Variants in LMBR1 observed in about 807,000 individuals in gnomAD.
LMBR1 encodes limb development membrane protein 1.
A neutral mutation model predicts 73.9 loss-of-function variants in LMBR1; 52 were observed. The observed-to-expected ratio is 0.70, with a 90% CI of 0.56 to 0.89. LMBR1 has a LOEUF of 0.89. Ranked by LOEUF, LMBR1 falls within the 40% of genes least tolerant of loss-of-function variation. LMBR1 has a pLI of 0.00. For missense variants in LMBR1, 539 were observed against 579.8 expected (o/e 0.93, Z 0.72); for synonymous variants, 215 against 209.4 (o/e 1.03, Z -0.23).
At chr7:156,673,906 T>TAAAAAAAAAAAA (rs3030984), downstream of LMBR1, among the ~76,000 whole-genome samples, 1 of 100,816 alleles carries the variant, frequency 9.9e-6, no homozygotes, top group African/African-American at 4.2e-5. Context: ...TCCACATTAA[T>TAAAAAAAAAAAA]AAAAAAAAAA....
intron 1 of LMBR1, among the ~76,000 whole-genome samples, chr7:156,860,763 C>T (rs533618529): frequency 1.3e-5 from 2 of 152,312 alleles, no homozygotes; most frequent in African/African-American, 2.4e-5. Flanking sequence ...AACAAAGGGG[C>T]TACAGGCCCC....
intron 1 of LMBR1, among the ~76,000 whole-genome samples, chr7:156,865,726 T>C (rs1449679759): frequency 3.3e-5 from 5 of 152,200 alleles, no homozygotes; most frequent in African/African-American, 4.8e-5. Flanking sequence ...AGTATAAAAA[T>C]AGACATAGAG....
At chr7:156,841,549 A>C in intron 1 of LMBR1, among the ~76,000 whole-genome samples, 1 of 152,180 alleles carries the variant, frequency 6.6e-6, no homozygotes. Flanking sequence ...AGCAGTCAGC[A>C]AGGGAGGAGG....
chr7:156,844,553 T>G (rs921779486), intron 1 of LMBR1, among the ~76,000 whole-genome samples: 1 of 138,354 alleles, frequency 7.2e-6, no homozygotes, highest in Non-Finnish European at 1.6e-5. Flanking sequence ...AGGAAATTCC[T>G]AACCAAAAAA....
At chr7:156,674,757 T>C (rs567998648), downstream of LMBR1, among the ~76,000 whole-genome samples, 1 of 152,350 alleles carries the variant, frequency 6.6e-6, no homozygotes, top group South Asian at 2.1e-4. Context: ...TTGGATCTGT[T>C]GGGTCAGATA....
Position 156,725,476 on chromosome 7 carries a change from C to G in LMBR1, c.1117G>C (p.Gly373Arg). The change falls in exon 14 of 17, where the codon GGA (glycine) becomes CGA (arginine). Residue 373 changes from glycine to arginine, a missense_variant. Physicochemically the swap from Gly to Arg is moderately radical, Grantham distance 125. This residue lies in a region of LMBR1 where 454 missense variants were observed against 473.4 expected (regional missense o/e 0.96). Transcript: ENST00000353442. ...VVGFYSLRFF[G>R]NFTPKKDDTT... The stretch of plus-strand genomic sequence containing the variant: ...TCATCTTTCTTGGGAGTAAAGTTTC[C>G]AAAAAATCGAAGGCTATAGAAGCCG... 8.1e-6 allele frequency: 13 copies of G among 1,609,786 alleles called. No individual in the cohort carries two copies. Among genetic ancestry groups the G allele is most frequent in the Non-Finnish European group, 1.1e-5 (13 of 1,177,650 alleles).
At chr7:156,839,590 G>C (rs1838282092) in intron 1 of LMBR1, among the ~76,000 whole-genome samples, 1 of 152,168 alleles carries the variant, frequency 6.6e-6, no homozygotes, top group African/African-American at 2.4e-5. Flanking sequence ...GTGTATTTCT[G>C]AAGAAGTACT....
chr7:156,777,142 A>C (rs1450620047), intron 5 of LMBR1, among the ~76,000 whole-genome samples: 1 of 152,050 alleles, frequency 6.6e-6, no homozygotes, highest in African/African-American at 2.4e-5. Context: ...TCACGGTGTT[A>C]ACCAGGATGG....
chr7:156,784,108 G>A (rs1189908609), intron 5 of LMBR1, among the ~76,000 whole-genome samples: 1 of 151,246 alleles, frequency 6.6e-6, no homozygotes, highest in Non-Finnish European at 1.5e-5. Context: ...TGGCAATACT[G>A]AGGACTAGAT....
intron 4 of LMBR1, among the ~76,000 whole-genome samples, chr7:156,803,542 G>A (rs372830500): frequency 1.3e-5 from 2 of 152,094 alleles, no homozygotes; most frequent in Non-Finnish European, 2.9e-5. Flanking sequence ...GAACACTTTT[G>A]CACTGTTGGT....
intron 9 of LMBR1, among the ~76,000 whole-genome samples, chr7:156,751,775 C>CTT (rs1218751685): frequency 6.6e-6 from 1 of 152,130 alleles, no homozygotes; most frequent in Non-Finnish European, 1.5e-5. Flanking sequence ...GATTTGTCAC[C>CTT]TGTAGAGAAG....
chr7:156,670,063 T>C lies in LMBR1; in HGVS notation n.867-776A>G, dbSNP rs1802140092. Among the ~76,000 whole-genome samples, 1 of 152,248 alleles carries C rather than the reference T, an allele frequency of 6.6e-6. No individual in the cohort carries two copies. Among genetic ancestry groups the C allele is most frequent in the South Asian group, 2.1e-4 (1 of 4,830 alleles). The stretch of plus-strand genomic sequence containing the variant: ...TTTATTTGCTGTTTATTTAATGTTA[T>C]TCTAAGAAAAAATTAAATTATAAAT... On this transcript the variant is annotated intron_variant and non_coding_transcript_variant, in intron 4 of 4. Transcript: ENST00000430825. This position sits in a 1 kb window ranked among gnomAD's most constrained non-coding sequence, Gnocchi z 4.3.
intron 4 of LMBR1, among the ~76,000 whole-genome samples, chr7:156,821,894 C>A (rs1177231242): frequency 6.6e-6 from 1 of 152,184 alleles, no homozygotes; most frequent in Non-Finnish European, 1.5e-5. Flanking sequence ...CTGGCTACAG[C>A]CACTGCTAAG....
chr7:156,677,509 G>A (rs1804289648), downstream of LMBR1, among the ~76,000 whole-genome samples: 1 of 152,154 alleles, frequency 6.6e-6, no homozygotes, highest in African/African-American at 2.4e-5. Context: ...CATTGTTCCA[G>A]GCCATGCTTG....
At chr7:156,796,572 A>T (rs910133647) in intron 4 of LMBR1, 80 bp from the exon 5 acceptor site, 3 of 797,052 alleles carry the variant, frequency 3.8e-6, no homozygotes, top group Non-Finnish European at 5.7e-6. Flanking sequence ...TATACTTTTA[A>T]ATAGTAAAAA....
chr7:156,685,046 TAAAAA>T lies in LMBR1; in HGVS notation c.1388-888_1388-884del, dbSNP rs1805716208. On this transcript the variant is annotated intron_variant, in intron 16 of 16. Coordinates refer to ENST00000353442, the MANE Select transcript of LMBR1 (RefSeq NM_022458.4). This position sits in a 1 kb window ranked among gnomAD's most constrained non-coding sequence, Gnocchi z 4.1. ...CCACAGCCAAATATTAATATGTAATTAAAAAGAAAAGAATGGAAAACATTACTAAA... is the reference window on the plus strand; with the variant it reads ...CCACAGCCAAATATTAATATGTAATTGAAAAGAATGGAAAACATTACTAAA... Among the ~76,000 whole-genome samples, 5 of 151,668 alleles carry T rather than the reference TAAAAA, an allele frequency of 3.3e-5. No homozygotes were observed. In the South Asian group the frequency reaches 8.4e-4, roughly 25 times the overall value.
chr7:156,718,091 A>G (rs1187452595), intron 15 of LMBR1, among the ~76,000 whole-genome samples: 1 of 152,168 alleles, frequency 6.6e-6, no homozygotes, highest in South Asian at 2.1e-4. Flanking sequence ...ATGACTGTGC[A>G]TATGTATTAT....
chr7:156,834,174 A>C (rs1254108914), intron 2 of LMBR1, among the ~76,000 whole-genome samples: 3 of 152,242 alleles, frequency 2.0e-5, no homozygotes, highest in African/African-American at 7.2e-5. Flanking sequence ...TTACTATAAA[A>C]TTAAAATTCA....
chr7:156,700,839 T>C lies in LMBR1; in HGVS notation c.1226-12648A>G, dbSNP rs150336074. ...CTGTTACCAATTTACTGTATTAGTC[T>C]GTTTTCATGCTGCTGCTAAAGACAC... On this transcript the variant is annotated intron_variant, in intron 15 of 16. Coordinates refer to ENST00000353442, the MANE Select transcript of LMBR1 (RefSeq NM_022458.4). Among the ~76,000 whole-genome samples, 686 of 152,288 alleles carry C rather than the reference T, an allele frequency of 4.5e-3. 7 individuals carry two copies. Among genetic ancestry groups the C allele is most frequent in the African/African-American group, 0.016 (655 of 41,556 alleles).
Sources: gnomAD v4.1 joint callset for allele counts (sites outside exome capture counted in the v4.1 genomes callset) on GRCh38, gnomAD v4.1.1 for gene constraint, gnomAD v4.1.1 regional missense constraint, Gnocchi (gnomAD v3.1) non-coding constraint, MANE v1.5 for transcripts, NCBI Gene and HGNC (gene_info 2026-07-23, HGNC 2026-07-21) for gene names.